TOGARAM2: variants seen among roughly 807,000 people sequenced by gnomAD.
TOGARAM2 encodes the protein TOG array regulator of axonemal microtubules protein 2.
TOGARAM2 carries 85 observed loss-of-function variants against 93.3 expected under a neutral mutation model. The ratio of observed to expected loss-of-function variants is 0.91; its 90% confidence interval spans 0.76 to 1.09. The LOEUF is 1.09. Ranked by LOEUF, TOGARAM2 falls within the 50% of genes least tolerant of loss-of-function variation. TOGARAM2 has a pLI of 0.00. For synonymous variants in TOGARAM2, 593 were observed against 552.8 expected (o/e 1.07, Z -1.02); for missense variants, 1,277 against 1,334.5 (o/e 0.96, Z 0.67).
chr2:28,974,660 CT>C (rs1671999351), intron 1 of TOGARAM2, among the ~76,000 whole-genome samples: 2 of 152,086 alleles, frequency 1.3e-5, no homozygotes, highest in African/African-American at 2.4e-5. Context: ...GTCACCCAGG[CT>C]GGGGTGCAGT....
chr2:28,982,831 C>G (rs1166940356), intron 1 of TOGARAM2, among the ~76,000 whole-genome samples: 1 of 152,082 alleles, frequency 6.6e-6, no homozygotes, highest in Non-Finnish European at 1.5e-5. Flanking sequence ...CCTCCCAGGC[C>G]AAGAAACAGA....
Position 29,017,202 on chromosome 2 carries a change from CAGATGAAGG to C in TOGARAM2, c.1099_1107del (p.Lys367_Met369del), listed in dbSNP as rs764766157. On this transcript the variant is annotated inframe_deletion, in exon 9 of 20. Transcript: ENST00000379558. Reference sequence around the variant, plus strand: ...TGCCCGGGAGAAGATGCAGCTGAAGCAGATGAAGGAGATGGAGCTGCTTCGGAGGCTGGA... The same window carrying C: ...TGCCCGGGAGAAGATGCAGCTGAAGCAGATGGAGCTGCTTCGGAGGCTGGA... 3 of 1,613,776 alleles carry C rather than the reference CAGATGAAGG, an allele frequency of 1.9e-6. No homozygotes were observed. The highest frequency in any genetic ancestry group is 2.7e-5 in the African/African-American group (2 of 74,908).
intron 1 of TOGARAM2, among the ~76,000 whole-genome samples, chr2:28,971,860 A>G (rs1327719968): frequency 1.3e-5 from 2 of 152,162 alleles, no homozygotes; most frequent in Non-Finnish European, 2.9e-5. Flanking sequence ...GTTCTGGGCT[A>G]GTTGCTTTGG....
chr2:28,970,544 T>C (rs1188730904), intron 1 of TOGARAM2, among the ~76,000 whole-genome samples: 1 of 152,248 alleles, frequency 6.6e-6, no homozygotes, highest in Non-Finnish European at 1.5e-5. Flanking sequence ...TTGGGTATTC[T>C]AGGGAATGTC....
At chr2:29,030,989 T>A (rs569257310) in intron 14 of TOGARAM2, among the ~76,000 whole-genome samples, 1 of 152,318 alleles carries the variant, frequency 6.6e-6, no homozygotes, top group East Asian at 1.9e-4. Context: ...GTGACTGTTA[T>A]TTACTGAGCC....
At position 28,999,359 on chromosome 2, in the gene TOGARAM2, C is replaced by T. The variant is rs1007287679; in HGVS notation, c.318C>T (p.Leu106=). 1.9e-6 allele frequency: 3 copies of T among 1,613,426 alleles called. No homozygotes were observed. The highest frequency in any genetic ancestry group is 2.7e-5 in the African/African-American group (2 of 74,928). ...ALSLGDQPLV[L]LPSPESEANS... ...CTTTGGGGGACCAGCCCCTGGTGCTCCTCCCTTCTCCGGAGTCAGAGGCCA... is the reference window on the plus strand; with the variant it reads ...CTTTGGGGGACCAGCCCCTGGTGCTTCTCCCTTCTCCGGAGTCAGAGGCCA... The change falls in exon 4 of 20, where the codon CTC becomes CTT. Residue 106 remains leucine (L), a synonymous_variant. Transcript: ENST00000379558.
intron 18 of TOGARAM2, among the ~76,000 whole-genome samples, chr2:29,044,720 T>C (rs1666635832): frequency 1.3e-5 from 2 of 151,948 alleles, no homozygotes; most frequent in Admixed American, 1.3e-4. Context: ...GCCTGTTACA[T>C]AGATGATATC....
intron 1 of TOGARAM2, among the ~76,000 whole-genome samples, chr2:28,983,237 G>GT (rs1672314561): frequency 1.1e-5 from 1 of 90,214 alleles, no homozygotes; most frequent in Non-Finnish European, 2.0e-5. Flanking sequence ...GTAGAGATGG[G>GT]TTTTTTCCAT....
At position 29,017,833 on chromosome 2, in the gene TOGARAM2, A is replaced by G. The variant is rs747983334; in HGVS notation, c.1237A>G (p.Thr413Ala). Residue 413 changes from threonine to alanine, a missense_variant, in exon 10 of 20, where the codon ACT becomes GCT. Transcript: ENST00000379558. ...GGGCAGCGGGACACTGTCTGTGCCC[A>G]CTAGGCTGAGCGGCCCATGCAGAAA... ...LRGSGTLSVP[T>A]RLSGPCRNDV... 2.5e-6 allele frequency: 4 copies of G among 1,613,414 alleles called. No individual in the cohort carries two copies. Among genetic ancestry groups the G allele is most frequent in the Non-Finnish European group, 3.4e-6 (4 of 1,179,662 alleles).
chr2:28,980,506 A>G (rs188437387), upstream of TOGARAM2, among the ~76,000 whole-genome samples: 1 of 152,346 alleles, frequency 6.6e-6, no homozygotes, highest in African/African-American at 2.4e-5. Context: ...CCTGCATACA[A>G]ATTGAGTCCT....
At position 28,983,779 on chromosome 2, in the gene TOGARAM2, GTCA is replaced by G. The variant is rs1572629971; in HGVS notation, c.-111+2243_-111+2245del. 2.0e-5 allele frequency among the ~76,000 whole-genome samples: 3 copies of G among 152,292 alleles called. No homozygotes were observed. The East Asian group carries it at 5.8e-4, about 29-fold the overall frequency. Reference sequence around the variant, plus strand: ...CCCATTTGCATCTCACCTGCCAGCTGTCATGAGTGCTCCCATTGCTCTGTGCTC... The same window carrying G: ...CCCATTTGCATCTCACCTGCCAGCTGTGAGTGCTCCCATTGCTCTGTGCTC... On this transcript the variant is annotated intron_variant, in intron 1 of 19. Coordinates refer to ENST00000379558, the MANE Select transcript of TOGARAM2 (RefSeq NM_199280.4).
Position 29,029,952 on chromosome 2 carries a change from T to TA in TOGARAM2, c.2012+2947dup, listed in dbSNP as rs1012999662. Among the ~76,000 whole-genome samples the TA allele has an allele frequency of 1.3e-4, 20 of 151,950 alleles. 1 individual carries two copies. The East Asian group carries it at 3.3e-3, about 25-fold the overall frequency. ...CCTGTTCCCCAATGACCTATGGAAA[T>TA]AAAAAATTAAAACAAAAACAGGCAA... On this transcript the variant is annotated intron_variant, in intron 14 of 19. Coordinates refer to ENST00000379558, the MANE Select transcript of TOGARAM2 (RefSeq NM_199280.4).
intron 13 of TOGARAM2, among the ~76,000 whole-genome samples, chr2:29,025,864 G>C (rs1264332714): frequency 3.3e-5 from 5 of 152,164 alleles, no homozygotes; most frequent in African/African-American, 1.2e-4. Flanking sequence ...CATGCATTAA[G>C]CTCCTGCCAA....
chr2:28,984,649 G>C (rs1053115263), intron 1 of TOGARAM2, among the ~76,000 whole-genome samples: 1 of 152,224 alleles, frequency 6.6e-6, no homozygotes, highest in Non-Finnish European at 1.5e-5. Flanking sequence ...TCCTGGGGCA[G>C]TGGACCAAGC....
chr2:28,979,130 A>G (rs935592179), upstream of TOGARAM2, among the ~76,000 whole-genome samples: 1 of 152,026 alleles, frequency 6.6e-6, no homozygotes, highest in African/African-American at 2.4e-5. Flanking sequence ...GAGTGCCCCA[A>G]TCCTTCCAGG....
chr2:28,974,523 C>T (rs906075959), intron 1 of TOGARAM2, among the ~76,000 whole-genome samples: 4 of 151,998 alleles, frequency 2.6e-5, no homozygotes, highest in Non-Finnish European at 5.9e-5. Context: ...TTTTTCAGAC[C>T]CACACCCTTT....
intron 18 of TOGARAM2, among the ~76,000 whole-genome samples, chr2:29,044,390 C>T (rs1484602861): frequency 6.6e-6 from 1 of 152,124 alleles, no homozygotes; most frequent in East Asian, 1.9e-4. Flanking sequence ...ATATATAAAC[C>T]ATTGATGATA....
rs570616280 is a variant in TOGARAM2 at position 28,999,066 on chromosome 2, G to C, written c.140-115G>C. 2.7e-6 allele frequency: 3 copies of C among 1,094,310 alleles called. No individual in the cohort carries two copies. In the South Asian group the frequency reaches 4.9e-5, roughly 18 times the overall value. 67.8% of individuals were successfully genotyped at this position (1,094,310 alleles called of 1,614,324 possible). A position where few individuals can be genotyped will look rare whatever the true frequency, so the allele number is the denominator to read the frequency against. ...AGTGACTGAAACATTAAATGACTGG[G>C]TTTCACCAGGCAAGTGGCTGCCTGT... On this transcript the variant is annotated intron_variant, in intron 3 of 19. Transcript: ENST00000379558.
chr2:28,986,702 C>G (rs1048023307), intron 1 of TOGARAM2, among the ~76,000 whole-genome samples: 1 of 152,170 alleles, frequency 6.6e-6, no homozygotes, highest in African/African-American at 2.4e-5. Flanking sequence ...TCAGCCAGGC[C>G]TCTGTAGCTT....
Sources: allele counts gnomAD v4.1 joint callset (sites outside exome capture counted in the v4.1 genomes callset), GRCh38; gene constraint gnomAD v4.1.1; transcripts MANE v1.5; gene names NCBI Gene and HGNC (gene_info 2026-07-23, HGNC 2026-07-21).